EMSY: variants seen among roughly 807,000 people sequenced by gnomAD.
EMSY encodes BRCA2-interacting transcriptional repressor EMSY.
A neutral mutation model predicts 134.6 loss-of-function variants in EMSY; 26 were observed. The ratio of observed to expected loss-of-function variants is 0.19; its 90% CI spans 0.14 to 0.27. The LOEUF is 0.27. Ranked by LOEUF, EMSY falls within the 10% of genes least tolerant of loss-of-function variation. The probability of loss-of-function intolerance (pLI) is 1.00; values close to 1 mark genes in which losing one functional copy is unlikely to be tolerated. For missense variants in EMSY, 1,305 were observed against 1,611.4 expected, an observed-to-expected ratio of 0.81 and a Z score of 3.26; for synonymous variants, 579 against 577.8, an observed-to-expected ratio of 1.00 and a Z score of -0.03.
chr11:76,488,333 G>A (rs1005944317), intron 8 of EMSY, among the ~76,000 whole-genome samples: 1 of 152,298 alleles, frequency 6.6e-6, no homozygotes, highest in Admixed American at 6.5e-5. Context: ...AGGCGTGGTG[G>A]TGTACACCTG....
chr11:76,496,589 G>A (rs10899226), intron 9 of EMSY, 120 bp downstream of exon 10: 1,085,677 of 1,139,688 alleles, frequency 0.95, 518,717 homozygotes, highest in Non-Finnish European at 0.97. Flanking sequence ...TTTTTCATCA[G>A]TGTTTTACAG....
chr11:76,547,604 T>C lies in EMSY; in HGVS notation c.3774+1307T>C, dbSNP rs531680902. Among the ~76,000 whole-genome samples the C allele has an allele frequency of 3.9e-5, 6 of 152,324 alleles. No individual in the cohort carries two copies. In the East Asian group the frequency reaches 5.8e-4, roughly 15 times the overall value. On this transcript the variant is annotated intron_variant, in intron 20 of 20. Transcript: ENST00000334736. ...AATCAGTAATGCCTACTTTACAGGATTGATACAAGGATTACACAAAATCAA... is the reference window on the plus strand; with the variant it reads ...AATCAGTAATGCCTACTTTACAGGACTGATACAAGGATTACACAAAATCAA...
chr11:76,454,321 A>G (rs1947787753), intron 4 of EMSY, among the ~76,000 whole-genome samples: 1 of 152,080 alleles, frequency 6.6e-6, no homozygotes, highest in Admixed American at 6.6e-5. Flanking sequence ...TCAACAACGT[A>G]GTTTGAAGGT....
chr11:76,496,965 G>T, intron 9 of EMSY: 1 of 201,470 alleles, frequency 5.0e-6, no homozygotes, highest in Non-Finnish European at 1.0e-5. Flanking sequence ...TCCTTGCTTT[G>T]TTCCTAATCT....
chr11:76,543,418 T>C (rs991312007), intron 18 of EMSY, among the ~76,000 whole-genome samples: 2 of 152,118 alleles, frequency 1.3e-5, no homozygotes, highest in African/African-American at 2.4e-5. Flanking sequence ...TGCTGTGTCA[T>C]TGAGGGAAGC....
intron 9 of EMSY, among the ~76,000 whole-genome samples, chr11:76,503,438 A>G (rs1474960831): frequency 1.3e-5 from 2 of 152,198 alleles, no homozygotes; most frequent in Non-Finnish European, 2.9e-5. Flanking sequence ...AACAGAATTG[A>G]AAGTCCAGAA....
At chr11:76,465,789 G>A (rs1347692510) in intron 7 of EMSY, among the ~76,000 whole-genome samples, 2 of 152,064 alleles carry the variant, frequency 1.3e-5, no homozygotes, top group East Asian at 1.9e-4. Context: ...AATGAAAATA[G>A]GCACTAAAAA....
At chr11:76,453,534 T>A in intron 4 of EMSY, 146 bp downstream of exon 4, 1 of 638,402 alleles carries the variant, frequency 1.6e-6, no homozygotes, top group Non-Finnish European at 2.4e-6. Flanking sequence ...GCAGTAAAAG[T>A]GATATTAACT....
intron 16 of EMSY, 112 bp from the exon 18 acceptor site, chr11:76,539,487 C>T (rs1951350374): frequency 2.0e-6 from 2 of 1,020,418 alleles, no homozygotes; most frequent in Admixed American, 2.0e-5. Flanking sequence ...AAAGCTAATT[C>T]AAGCAGAGGC....
At chr11:76,543,326 A>G (rs1043568119) in intron 18 of EMSY, among the ~76,000 whole-genome samples, 1 of 152,232 alleles carries the variant, frequency 6.6e-6, no homozygotes, top group Non-Finnish European at 1.5e-5. Context: ...AAGAGTCACA[A>G]TTGAATCTCA....
chr11:76,464,807 G>T (rs969515590), intron 7 of EMSY, among the ~76,000 whole-genome samples: 1 of 152,098 alleles, frequency 6.6e-6, no homozygotes, highest in Non-Finnish European at 1.5e-5. Context: ...ACCTTGCATG[G>T]TAGACTGCAA....
intron 4 of EMSY, chr11:76,454,770 G>C: frequency 2.0e-6 from 3 of 1,465,304 alleles, no homozygotes; most frequent in East Asian, 5.0e-5. Flanking sequence ...CCTTATATTT[G>C]GGTGAAAGAC....
chr11:76,509,669 G>T (rs530568709), intron 9 of EMSY, among the ~76,000 whole-genome samples: 5 of 149,326 alleles, frequency 3.3e-5, no homozygotes, highest in African/African-American at 1.0e-4. Context: ...TGTTAAAGGT[G>T]GGGGGGAAAG....
At chr11:76,446,905 A>G in exon 2 of EMSY, 1 of 1,600,506 alleles carries the variant, frequency 6.2e-7, no homozygotes, top group South Asian at 1.1e-5. Flanking sequence ...GGTAGGGAGG[A>G]CAAGCTCTTT....
At chr11:76,467,326 C>T (rs1456959294) in intron 7 of EMSY, among the ~76,000 whole-genome samples, 1 of 152,164 alleles carries the variant, frequency 6.6e-6, no homozygotes, top group African/African-American at 2.4e-5. Context: ...CTCTTCCCTG[C>T]TTCTTGTCTA....
At chr11:76,535,441 G>A (rs1951188135) in intron 14 of EMSY, among the ~76,000 whole-genome samples, 1 of 152,118 alleles carries the variant, frequency 6.6e-6, no homozygotes. Flanking sequence ...ATATTTTCAG[G>A]TGCATTGGAG....
intron 11 of EMSY, among the ~76,000 whole-genome samples, chr11:76,519,487 T>C (rs576088206): frequency 1.3e-5 from 2 of 152,180 alleles, no homozygotes; most frequent in Non-Finnish European, 2.9e-5. Flanking sequence ...TTCTTCAGAG[T>C]TGAACTCACT....
At chr11:76,504,795 TAAAC>T (rs1432655364) in intron 9 of EMSY, among the ~76,000 whole-genome samples, 1 of 152,118 alleles carries the variant, frequency 6.6e-6, no homozygotes, top group Admixed American at 6.5e-5. Context: ...GACAAACAGA[TAAAC>T]AAAATGTGAA....
At chr11:76,476,112 C>T (rs961889058) in intron 8 of EMSY, among the ~76,000 whole-genome samples, 11 of 152,180 alleles carry the variant, frequency 7.2e-5, no homozygotes, top group Admixed American at 6.5e-4. Flanking sequence ...AACAAGGTCT[C>T]CTGTTCAATG....
Sources: allele counts gnomAD v4.1 joint callset (sites outside exome capture counted in the v4.1 genomes callset), GRCh38; gene constraint gnomAD v4.1.1; transcripts MANE v1.5; gene names NCBI Gene and HGNC (gene_info 2026-07-23, HGNC 2026-07-21).